PRLR: variants seen among roughly 807,000 people sequenced by gnomAD.
PRLR encodes the protein hPRL receptor.
PRLR carries 13 observed loss-of-function variants against 40.2 expected under a neutral mutation model. The observed-to-expected ratio is 0.32, with a 90% CI of 0.21 to 0.51. PRLR has a LOEUF of 0.51. PRLR is among the 20% of genes least tolerant of loss of function. The pLI, the probability that PRLR is intolerant of heterozygous loss-of-function variation, is 0.97. For synonymous variants in PRLR, 269 were observed against 278.7 expected, an observed-to-expected ratio of 0.97 and a Z score of 0.35; for missense variants, 656 against 747.3, an observed-to-expected ratio of 0.88 and a Z score of 1.42.
intron 2 of PRLR, among the ~76,000 whole-genome samples, chr5:35,104,588 C>T (rs765999472): frequency 2.0e-5 from 3 of 152,150 alleles, no homozygotes; most frequent in Non-Finnish European, 4.4e-5. Flanking sequence ...GCCCCTGACT[C>T]GGAGGGTCCT....
chr5:35,137,480 C>A (rs1177593959), intron 1 of PRLR, among the ~76,000 whole-genome samples: 2 of 152,190 alleles, frequency 1.3e-5, no homozygotes, highest in Admixed American at 1.3e-4. Context: ...GGAGGCATCA[C>A]CAGAAAGGTC....
intron 2 of PRLR, among the ~76,000 whole-genome samples, chr5:35,107,672 C>G (rs1344246444): frequency 6.6e-6 from 1 of 152,120 alleles, no homozygotes; most frequent in African/African-American, 2.4e-5. Flanking sequence ...CAAGACTCAA[C>G]CAGGAAGAAG....
chr5:35,214,798 A>C (rs1776246842), intron 1 of PRLR, among the ~76,000 whole-genome samples: 1 of 152,260 alleles, frequency 6.6e-6, no homozygotes, highest in Admixed American at 6.5e-5. Context: ...TTTAGATTAT[A>C]GTTTAACTTC....
chr5:35,053,826 A>G (rs1579536181), downstream of PRLR, among the ~76,000 whole-genome samples: 1 of 152,208 alleles, frequency 6.6e-6, no homozygotes, highest in South Asian at 2.1e-4. Context: ...TATGATGAGT[A>G]AATGGCCAAG....
At chr5:35,072,831 T>C in intron 5 of PRLR, 87 bp from the exon 6 acceptor site, 1 of 1,472,416 alleles carries the variant, frequency 6.8e-7, no homozygotes, top group Non-Finnish European at 9.2e-7. Context: ...TTCCTTTTTC[T>C]GTTTATCATC....
chr5:35,104,144 G>T (rs1055433267), intron 2 of PRLR, among the ~76,000 whole-genome samples: 2 of 152,128 alleles, frequency 1.3e-5, no homozygotes, highest in Admixed American at 6.5e-5. Flanking sequence ...TGAAGGATGA[G>T]TAACCAGGCA....
intron 2 of PRLR, among the ~76,000 whole-genome samples, chr5:35,106,686 T>C (rs947502680): frequency 6.6e-6 from 1 of 152,192 alleles, no homozygotes; most frequent in Admixed American, 6.5e-5. Flanking sequence ...CTATCCTAAA[T>C]ATACATGCAC....
chr5:35,120,280 T>C (rs935073725), intron 1 of PRLR, among the ~76,000 whole-genome samples: 18 of 152,098 alleles, frequency 1.2e-4, no homozygotes, highest in African/African-American at 4.1e-4. Context: ...AATTCTTCCC[T>C]CTCCACTCTT....
At chr5:35,083,307 T>C (rs879631363) in intron 5 of PRLR, among the ~76,000 whole-genome samples, 4 of 152,080 alleles carry the variant, frequency 2.6e-5, no homozygotes, top group Admixed American at 2.6e-4. Context: ...GTCAGGTCCA[T>C]GACCGACACA....
chr5:35,102,877 A>AT (rs1293611562), intron 2 of PRLR, among the ~76,000 whole-genome samples: 1 of 152,038 alleles, frequency 6.6e-6, no homozygotes. Context: ...TTTACATTCA[A>AT]TTTAACAGCT....
chr5:35,139,549 CCAGATA>C (rs1773955301), intron 1 of PRLR, among the ~76,000 whole-genome samples: 1 of 152,070 alleles, frequency 6.6e-6, no homozygotes, highest in Non-Finnish European at 1.5e-5. Context: ...ATAAAATAAT[CCAGATA>C]CAAACATAAA....
At position 35,057,744 on chromosome 5, in the gene PRLR, A is replaced by G. The variant is rs1479690896; in HGVS notation, c.*7345T>C. 2 of 152,186 alleles carry G rather than the reference A, an allele frequency of 1.3e-5. No individual in the cohort carries two copies. Among genetic ancestry groups the G allele is most frequent in the East Asian group, 3.8e-4 (2 of 5,200 alleles). The allele number at this position is 152,186 out of a possible 1,614,324, so 9.4% of individuals were successfully genotyped here. On this transcript the variant is annotated 3_prime_UTR_variant, in exon 10 of 10. Transcript: ENST00000618457. The stretch of plus-strand genomic sequence containing the variant: ...AAATCAGATAACTATAGTCTTCTAT[A>G]AATCTTTAAGTCTAAAAAAATAGAC...
intron 1 of PRLR, among the ~76,000 whole-genome samples, chr5:35,148,946 T>C (rs1419305266): frequency 2.0e-5 from 3 of 152,060 alleles, no homozygotes; most frequent in East Asian, 1.9e-4. Flanking sequence ...CAAATATATA[T>C]ATACACAAAA....
At chr5:35,073,610 T>C (rs925405724) in intron 5 of PRLR, among the ~76,000 whole-genome samples, 1 of 152,224 alleles carries the variant, frequency 6.6e-6, no homozygotes, top group African/African-American at 2.4e-5. Context: ...AAAGTGTTAT[T>C]TGAACCCATA....
At chr5:35,077,157 C>T (rs1239963589) in intron 5 of PRLR, among the ~76,000 whole-genome samples, 1 of 152,156 alleles carries the variant, frequency 6.6e-6, no homozygotes, top group Non-Finnish European at 1.5e-5. Context: ...AAATAACCAG[C>T]TAATATCATA....
downstream of PRLR, chr5:35,055,578 C>T (rs767159697): frequency 6.6e-6 from 1 of 152,036 alleles, no homozygotes; most frequent in Non-Finnish European, 1.5e-5. Context: ...GCAGTTCCCC[C>T]TCCTTCTTTA....
chr5:35,148,274 A>G (rs1774244004), intron 1 of PRLR, among the ~76,000 whole-genome samples: 1 of 152,184 alleles, frequency 6.6e-6, no homozygotes, highest in South Asian at 2.1e-4. Context: ...ATACAAACCA[A>G]CAATATTCCA....
At chr5:35,209,316 C>G (rs1776107207) in intron 1 of PRLR, among the ~76,000 whole-genome samples, 1 of 152,074 alleles carries the variant, frequency 6.6e-6, no homozygotes, top group Non-Finnish European at 1.5e-5. Flanking sequence ...CATTTATATT[C>G]TTATGTAAAG....
chr5:35,116,774 G>A (rs780144085), intron 2 of PRLR, among the ~76,000 whole-genome samples: 4 of 152,136 alleles, frequency 2.6e-5, no homozygotes, highest in Non-Finnish European at 5.9e-5. Flanking sequence ...TACCCAGAGC[G>A]TTTTGATGAC....
Sources: gnomAD v4.1 joint callset for allele counts (sites outside exome capture counted in the v4.1 genomes callset) on GRCh38, gnomAD v4.1.1 for gene constraint, MANE v1.5 for transcripts, NCBI Gene and HGNC (gene_info 2026-07-23, HGNC 2026-07-21) for gene names.